The following GBF1 variants were observed in gnomAD, a reference collection of about 807,000 sequenced individuals.
GBF1 encodes golgi brefeldin A resistant guanine nucleotide exchange factor 1.
In GBF1, 114 loss-of-function variants were observed where a neutral mutation model predicts 210.5. The ratio of observed to expected loss-of-function variants is 0.54; its 90% CI spans 0.47 to 0.63. The LOEUF (loss-of-function observed/expected upper bound fraction) is 0.63. GBF1 is among the 30% of genes least tolerant of loss of function. The pLI, the probability that GBF1 is intolerant of heterozygous loss-of-function variation, is 0.00. For missense variants in GBF1, 1,851 were observed against 2,357.7 expected (o/e 0.79, Z 4.45); for synonymous variants, 850 against 889.2 (o/e 0.96, Z 0.78).
intron 17 of GBF1, 145 bp from the exon 18 acceptor site, chr10:102,365,252 C>T: frequency 1.6e-6 from 1 of 631,318 alleles, no homozygotes; most frequent in Non-Finnish European, 2.8e-6. Flanking sequence ...CCATTATGAT[C>T]TAGCCTTAGT....
At chr10:102,351,798 C>G (rs2058996486) in intron 5 of GBF1, 45 bp from the exon 6 acceptor site, 3 of 1,133,080 alleles carry the variant, frequency 2.6e-6, no homozygotes, top group Non-Finnish European at 4.0e-6. Context: ...TTGAGTACCT[C>G]TCAGTACCTT....
intron 3 of GBF1, among the ~76,000 whole-genome samples, chr10:102,281,881 G>C (rs2075516125): frequency 6.6e-6 from 1 of 150,890 alleles, no homozygotes; most frequent in Admixed American, 6.6e-5. Flanking sequence ...GTTCCACTTG[G>C]CTGTAACAGT....
At chr10:102,314,760 G>C (rs967487632) in intron 3 of GBF1, among the ~76,000 whole-genome samples, 2 of 152,104 alleles carry the variant, frequency 1.3e-5, no homozygotes, top group Admixed American at 1.3e-4. Context: ...GATGTTTATC[G>C]TTTCCCTTTC....
At chr10:102,372,995 G>A (rs1399737860) in intron 29 of GBF1, among the ~76,000 whole-genome samples, 1 of 152,102 alleles carries the variant, frequency 6.6e-6, no homozygotes, top group Non-Finnish European at 1.5e-5. Flanking sequence ...TCTAGAAAAG[G>A]AAAAATTGAT....
intron 3 of GBF1, among the ~76,000 whole-genome samples, chr10:102,281,392 C>T (rs1024130918): frequency 6.6e-6 from 1 of 152,088 alleles, no homozygotes. Flanking sequence ...AGCTACCTAC[C>T]TTACCAACAA....
At chr10:102,379,077 T>C (rs897415649) in intron 33 of GBF1, among the ~76,000 whole-genome samples, 6 of 152,206 alleles carry the variant, frequency 3.9e-5, no homozygotes, top group Non-Finnish European at 7.3e-5. Flanking sequence ...CTCTCTCTCA[T>C]GAGTAATCTC....
At chr10:102,254,036 TA>T (rs1311922491) in intron 1 of GBF1, among the ~76,000 whole-genome samples, 2 of 152,360 alleles carry the variant, frequency 1.3e-5, no homozygotes, top group South Asian at 4.1e-4. Flanking sequence ...AGTTATTGTA[TA>T]CTCTGGATAT....
At chr10:102,359,076 C>G in intron 10 of GBF1, 191 bp from the exon 11 acceptor site, 1 of 606,822 alleles carries the variant, frequency 1.6e-6, no homozygotes, top group Non-Finnish European at 2.9e-6. Flanking sequence ...AGTGAAGCCT[C>G]AGGAGATGTT....
rs773890882 is a variant in GBF1, at chr10:102,367,276, T to C, written c.2559+66T>C. The C allele has an allele frequency of 4.4e-4, 676 of 1,543,040 alleles. 7 individuals carry two copies. Among genetic ancestry groups the C allele is most frequent in the Middle Eastern group, 1.7e-3 (10 of 5,852 alleles). On this transcript the variant is annotated intron_variant, in intron 20 of 39. Transcript: ENST00000369983. The stretch of plus-strand genomic sequence containing the variant: ...AGCTTGGGAGGTAGCAGGAAGGACA[T>C]AGGATTTCCAGTGGGCATGATGGAT...
Position 102,363,145 on chromosome 10 carries a change from G to A in GBF1, c.1877-111G>A, listed in dbSNP as rs1018967603. 1.9e-5 allele frequency: 18 copies of A among 967,896 alleles called. No homozygotes were observed. Among genetic ancestry groups the A allele is most frequent in the South Asian group, 5.6e-5 (3 of 53,976 alleles). The allele number at this position is 967,896 out of a possible 1,614,324, so 60.0% of individuals were successfully genotyped here. On this transcript the variant is annotated intron_variant, in intron 15 of 39. Transcript: ENST00000369983. This position sits in a 1 kb window ranked among gnomAD's most constrained non-coding sequence, Gnocchi z 4.2. ...TGGGTTTGTCCTGCTCAGGGCTGGC[G>A]CCCTGTGCAGGAACCATGCAGGTCT... is the stretch of plus-strand genomic sequence containing the variant.
At chr10:102,304,015 G>A (rs921667197) in intron 3 of GBF1, among the ~76,000 whole-genome samples, 1 of 151,882 alleles carries the variant, frequency 6.6e-6, no homozygotes, top group Admixed American at 6.6e-5. Context: ...CAAAGGCATT[G>A]CCTTTAGAGA....
Position 102,366,343 on chromosome 10 carries a change from T to C in GBF1, c.2310-40T>C. The C allele has an allele frequency of 6.2e-7, 1 of 1,610,894 alleles. No homozygotes were observed. Among genetic ancestry groups the C allele is most frequent in the East Asian group, 2.2e-5 (1 of 44,818 alleles). ...ACTAAAAGAGCCTGACATGTGCAGC[T>C]TACACATTTTCAGCCTCTTCTTCCT... is the stretch of plus-strand genomic sequence containing the variant. On this transcript the variant is annotated intron_variant, in intron 18 of 39. Transcript: ENST00000369983. This position sits in a 1 kb window ranked among gnomAD's most constrained non-coding sequence, Gnocchi z 4.0.
Position 102,376,603 on chromosome 10 carries a change from G to T in GBF1, c.4091G>T (p.Arg1364Leu), listed in dbSNP as rs202195022. The change falls in exon 32 of 40, where the codon CGC becomes CTC. Residue 1364 changes from arginine to leucine, a missense_variant. Around this residue, in one of 3 missense-constraint regions of GBF1, gnomAD observed 967 missense variants for 1,247.7 expected, o/e 0.78. Transcript: ENST00000369983. ...DVDNSKPGPS[R>L]PGPSPLINQY... The stretch of plus-strand genomic sequence containing the variant: ...GATAACTCCAAGCCAGGGCCCAGCC[G>T]CCCAGGCCCTTCACCCCTGATCAAT... 11 of 1,613,682 alleles carry T rather than the reference G, an allele frequency of 6.8e-6. No individual in the cohort carries two copies. In the Admixed American group the frequency reaches 1.8e-4, roughly 27 times the overall value.
At chr10:102,270,702 A>G (rs2074321623) in intron 3 of GBF1, among the ~76,000 whole-genome samples, 1 of 152,226 alleles carries the variant, frequency 6.6e-6, no homozygotes, top group South Asian at 2.1e-4. Flanking sequence ...CCATTATCAC[A>G]ACTAAGAAAC....
chr10:102,323,748 A>G (rs957569512), intron 3 of GBF1, among the ~76,000 whole-genome samples: 1 of 152,216 alleles, frequency 6.6e-6, no homozygotes, highest in Middle Eastern at 3.4e-3. Flanking sequence ...CCAAATAACT[A>G]TATTCATTGT....
intron 3 of GBF1, among the ~76,000 whole-genome samples, chr10:102,273,050 T>C (rs1255510446): frequency 6.6e-6 from 1 of 152,188 alleles, no homozygotes; most frequent in African/African-American, 2.4e-5. Context: ...ATAGAAATTA[T>C]CAGTGTATCT....
chr10:102,274,334 C>T (rs192973378), intron 3 of GBF1, among the ~76,000 whole-genome samples: 46 of 152,194 alleles, frequency 3.0e-4, no homozygotes, highest in Non-Finnish European at 6.2e-4. Context: ...CCCACCTCCA[C>T]CCTGTGCCCT....
intron 3 of GBF1, among the ~76,000 whole-genome samples, chr10:102,338,806 C>T (rs2057961807): frequency 2.0e-5 from 3 of 151,666 alleles, no homozygotes; most frequent in South Asian, 2.1e-4. Flanking sequence ...ATTAGCTGGG[C>T]GTGGTGGCGC....
intron 3 of GBF1, 35 bp from the exon 4 acceptor site, chr10:102,344,016 A>ATG: frequency 6.3e-7 from 1 of 1,596,618 alleles, no homozygotes; most frequent in Non-Finnish European, 8.6e-7. Flanking sequence ...TTTCTCTTAG[A>ATG]TGATACCTCT....
Sources: gnomAD v4.1 joint callset for allele counts (sites outside exome capture counted in the v4.1 genomes callset) on GRCh38, gnomAD v4.1.1 for gene constraint, gnomAD v4.1.1 regional missense constraint, Gnocchi (gnomAD v3.1) non-coding constraint, MANE v1.5 for transcripts, NCBI Gene and HGNC (gene_info 2026-07-23, HGNC 2026-07-21) for gene names.